Variants in CLVS1 observed in about 807,000 individuals in gnomAD.
CLVS1 encodes the protein clavesin 1.
In CLVS1, 10 loss-of-function variants were observed where a neutral mutation model predicts 33.1. That is an observed-to-expected ratio of 0.30 (90% confidence interval 0.19 to 0.51). The LOEUF (loss-of-function observed/expected upper bound fraction) is 0.51, where lower values mean the gene tolerates loss of function less well. CLVS1 is among the 20% of genes least tolerant of loss of function. The pLI is 0.97. For missense variants in CLVS1, 343 were observed against 433.4 expected (o/e 0.79, Z 1.85); for synonymous variants, 163 against 166.1 (o/e 0.98, Z 0.14).
chr8:61,120,878 C>T (rs1050247341), intron 1 of CLVS1, among the ~76,000 whole-genome samples: 12 of 147,484 alleles, frequency 8.1e-5, no homozygotes, highest in Non-Finnish European at 1.6e-4. Context: ...AGGCAGGCCT[C>T]CTTGATCTGT....
rs984201178 is a variant in CLVS1 at position 61,310,402 on chromosome 8, C to T, written c.455+10120C>T. Among the ~76,000 whole-genome samples, 11 of 152,292 alleles carry T rather than the reference C, an allele frequency of 7.2e-5. No individual in the cohort carries two copies. The East Asian group carries it at 1.7e-3, about 24-fold the overall frequency. On this transcript the variant is annotated intron_variant, in intron 2 of 5. Transcript: ENST00000325897. ...GTCATACAGCTGGCAAGTGGCTAAA[C>T]CTGGCAAGATCTCAGACCTAATTTC...
rs16927421 is a variant in CLVS1, at chr8:61,496,326, A to C, written c.978-3129A>C. 8.6e-3 allele frequency among the ~76,000 whole-genome samples: 1,312 copies of C among 152,264 alleles called. 13 individuals are homozygous for C. Among genetic ancestry groups the C allele is most frequent in the African/African-American group, 0.028 (1,181 of 41,542 alleles). ...CACAGGGTCCGTAGGTCAAAGCAGG[A>C]AGGCAGCTGTCCAAGGTGCTGGAGG... On this transcript the variant is annotated intron_variant, in intron 5 of 5. Transcript: ENST00000325897.
chr8:60,986,848 A>G, the CLVS1 span, among the ~76,000 whole-genome samples: 17 of 152,342 alleles, frequency 1.1e-4, no homozygotes, highest in African/African-American at 3.8e-4. Context: ...TTGCAGATTG[A>G]ATTTGAAACA....
intron 2 of CLVS1, among the ~76,000 whole-genome samples, chr8:61,313,929 A>G (rs1290029457): frequency 6.6e-6 from 1 of 152,144 alleles, no homozygotes; most frequent in East Asian, 1.9e-4. Flanking sequence ...CCTGGGAGTC[A>G]TGGGCTCGGC....
chr8:61,415,578 A>G (rs77977027), intron 3 of CLVS1, among the ~76,000 whole-genome samples: 1 of 152,220 alleles, frequency 6.6e-6, no homozygotes, highest in African/African-American at 2.4e-5. Flanking sequence ...CTTGTCATCA[A>G]AAATTCCTGG....
chr8:61,094,308 G>T (rs1430685937), intron 1 of CLVS1, among the ~76,000 whole-genome samples: 1 of 152,078 alleles, frequency 6.6e-6, no homozygotes, highest in Non-Finnish European at 1.5e-5. Context: ...CAAGGACTCG[G>T]GGCACTGACG....
chr8:61,434,060 G>T (rs1361273582), intron 3 of CLVS1, among the ~76,000 whole-genome samples: 6 of 152,178 alleles, frequency 3.9e-5, no homozygotes, highest in Non-Finnish European at 7.3e-5. Context: ...CTGTGTGGCT[G>T]CAGGACATGA....
At chr8:61,222,363 G>C (rs2931343) in intron 2 of CLVS1, among the ~76,000 whole-genome samples, 24,827 of 152,106 alleles carry the variant, frequency 0.16, 2,450 homozygotes, top group Admixed American at 0.25. Flanking sequence ...CTGTGTCCCA[G>C]AGATTCTGGT....
chr8:61,259,395 A>G (rs1262767224), intron 2 of CLVS1, among the ~76,000 whole-genome samples: 2 of 152,244 alleles, frequency 1.3e-5, no homozygotes, highest in Non-Finnish European at 2.9e-5. Context: ...ACATATCAGT[A>G]GAAATTCCCA....
the CLVS1 span, among the ~76,000 whole-genome samples, chr8:60,994,897 A>G: frequency 1.3e-5 from 2 of 152,038 alleles, no homozygotes; most frequent in African/African-American, 4.8e-5. Flanking sequence ...AACCTGAGAA[A>G]AACAAGCAAT....
At chr8:61,416,020 A>G (rs945715799) in intron 3 of CLVS1, among the ~76,000 whole-genome samples, 7 of 152,166 alleles carry the variant, frequency 4.6e-5, no homozygotes, top group Non-Finnish European at 8.8e-5. Flanking sequence ...CTTTCCTGCT[A>G]TGTGTGGGCT....
chr8:61,100,752 C>T (rs1805433804), intron 1 of CLVS1, among the ~76,000 whole-genome samples: 1 of 152,158 alleles, frequency 6.6e-6, no homozygotes, highest in African/African-American at 2.4e-5. Context: ...GCACCCTCTC[C>T]CACAACCCTA....
In CLVS1 at chr8:61,224,219, T is replaced by A. The variant is rs74935991; in HGVS notation, c.-151-75458T>A. On this transcript the variant is annotated intron_variant, in intron 2 of 2. Coordinates refer to the CLVS1 transcript ENST00000522621. ...CAGTTCTGCCCCCTTAATGGAGAGA[T>A]GTTGTGATCATCTGGAGGAAAGAGG... 5.1e-3 allele frequency among the ~76,000 whole-genome samples: 770 copies of A among 152,242 alleles called. 3 individuals are homozygous for A. The highest frequency in any genetic ancestry group is 9.1e-3 in the Non-Finnish European group (622 of 68,016).
chr8:61,155,229 G>A (rs185951968), intron 2 of CLVS1, among the ~76,000 whole-genome samples: 28 of 152,268 alleles, frequency 1.8e-4, no homozygotes, highest in Admixed American at 1.1e-3. Context: ...TAAAGGATAC[G>A]CATAGCACCT....
chr8:61,339,005 T>C (rs1811913961), intron 2 of CLVS1, among the ~76,000 whole-genome samples: 1 of 118,252 alleles, frequency 8.5e-6, no homozygotes, highest in Non-Finnish European at 1.9e-5. Flanking sequence ...TGCATGTGAG[T>C]GTGTGCCTGT....
chr8:61,189,344 G>C (rs1807412658), intron 2 of CLVS1, among the ~76,000 whole-genome samples: 2 of 152,114 alleles, frequency 1.3e-5, no homozygotes, highest in Non-Finnish European at 2.9e-5. Context: ...GTCACCACCA[G>C]GCCTGCTCTA....
rs943602784 is a variant in CLVS1, at chr8:61,353,236, C to G, written c.456-23369C>G. On this transcript the variant is annotated intron_variant, in intron 2 of 5. Transcript: ENST00000325897. Reference sequence around the variant, plus strand: ...TATAGAACACATCACACAACAACAGCAAGGTACACATTTTTTAAAGTGCCT... The same window carrying G: ...TATAGAACACATCACACAACAACAGGAAGGTACACATTTTTTAAAGTGCCT... Among the ~76,000 whole-genome samples, 12 of 152,090 alleles carry G rather than the reference C, an allele frequency of 7.9e-5. No individual in the cohort carries two copies. The South Asian group carries it at 2.5e-3, about 32-fold the overall frequency.
chr8:61,387,964 C>A (rs1349416314), intron 3 of CLVS1, among the ~76,000 whole-genome samples: 1 of 152,066 alleles, frequency 6.6e-6, no homozygotes, highest in Non-Finnish European at 1.5e-5. Flanking sequence ...TTCTGTATAA[C>A]GACTTCTTTT....
intron 2 of CLVS1, among the ~76,000 whole-genome samples, chr8:61,366,168 T>C (rs1261862732): frequency 6.6e-6 from 1 of 152,166 alleles, no homozygotes; most frequent in Non-Finnish European, 1.5e-5. Flanking sequence ...CTGCTGCTGC[T>C]CTCTATGGGC....
Sources: gnomAD v4.1 joint callset for allele counts (sites outside exome capture counted in the v4.1 genomes callset) on GRCh38, gnomAD v4.1.1 for gene constraint, MANE v1.5 for transcripts, NCBI Gene and HGNC (gene_info 2026-07-23, HGNC 2026-07-21) for gene names.